Variants in LRCH1 observed in about 807,000 individuals in gnomAD.
The protein encoded by LRCH1 is leucine rich repeats and calponin homology domain containing 1, also known as leucine-rich repeat and calponin homology domain-containing protein 1.
LRCH1 carries 23 observed loss-of-function variants against 94.9 expected under a neutral mutation model. The observed-to-expected ratio is 0.24, with a 90% CI of 0.17 to 0.34. The LOEUF (loss-of-function observed/expected upper bound fraction) is 0.34. Among genes scored for constraint, LRCH1 ranks in the 10% least tolerant of loss-of-function variants. LRCH1 has a pLI of 1.00. For missense variants in LRCH1, 790 were observed against 945.9 expected (o/e 0.84, Z 2.16); for synonymous variants, 364 against 354.9 (o/e 1.03, Z -0.29).
At chr13:46,622,430 G>C (rs1384176791) in intron 1 of LRCH1, among the ~76,000 whole-genome samples, 1 of 152,148 alleles carries the variant, frequency 6.6e-6, no homozygotes, top group Non-Finnish European at 1.5e-5. Flanking sequence ...ATCTGCAAGT[G>C]TATTGCCTGT....
intron 1 of LRCH1, among the ~76,000 whole-genome samples, chr13:46,601,997 G>A (rs1240704500): frequency 1.3e-5 from 2 of 152,180 alleles, no homozygotes; most frequent in Non-Finnish European, 2.9e-5. Flanking sequence ...TATGTCTACT[G>A]ACTTGCAACG....
intron 1 of LRCH1, among the ~76,000 whole-genome samples, chr13:46,646,963 A>T (rs1458779745): frequency 6.6e-6 from 1 of 152,086 alleles, no homozygotes; most frequent in Non-Finnish European, 1.5e-5. Flanking sequence ...AAATACAAAA[A>T]TTAGCTGGAC....
intron 10 of LRCH1, among the ~76,000 whole-genome samples, chr13:46,700,674 A>G (rs1871416506): frequency 6.6e-6 from 1 of 152,116 alleles, no homozygotes; most frequent in Non-Finnish European, 1.5e-5. Context: ...TAGAGTTTGG[A>G]CTGAGAACCA....
chr13:46,585,569 A>AC (rs2050425698), intron 1 of LRCH1, among the ~76,000 whole-genome samples: 1 of 150,228 alleles, frequency 6.7e-6, no homozygotes, highest in Non-Finnish European at 1.5e-5. Context: ...AAAAAAAAAA[A>AC]AACAAAAAAA....
At chr13:46,635,866 A>G (rs1245989048) in intron 1 of LRCH1, among the ~76,000 whole-genome samples, 1 of 151,990 alleles carries the variant, frequency 6.6e-6, no homozygotes, top group East Asian at 1.9e-4. Flanking sequence ...TCCCATCAGC[A>G]TACAAACATG....
At chr13:46,711,463 T>C (rs1360795039) in intron 13 of LRCH1, among the ~76,000 whole-genome samples, 3 of 152,198 alleles carry the variant, frequency 2.0e-5, no homozygotes, top group Admixed American at 1.3e-4. Flanking sequence ...ATAATTAAAA[T>C]GAGGATGGGA....
At position 46,744,534 on chromosome 13, in the gene LRCH1, G is replaced by C; in HGVS notation, c.*2686G>C. On this transcript the variant is annotated 3_prime_UTR_variant, in exon 20 of 20. Coordinates refer to ENST00000389797, the MANE Select transcript of LRCH1 (RefSeq NM_001164211.2). ...CTTATGAAATGGGGCTGGTGGAAAG[G>C]GGCCCCGCAGAACTACAATGTATGA... is the stretch of plus-strand genomic sequence containing the variant. 1 of 985,356 alleles carries C rather than the reference G, an allele frequency of 1.0e-6. No individual in the cohort carries two copies. Among genetic ancestry groups the C allele is most frequent in the African/African-American group, 1.7e-5 (1 of 57,326 alleles). The allele number at this position is 985,356 out of a possible 1,614,324, so 61.0% of individuals were successfully genotyped here.
At chr13:46,597,127 T>C (rs2050572924) in intron 1 of LRCH1, among the ~76,000 whole-genome samples, 1 of 152,180 alleles carries the variant, frequency 6.6e-6, no homozygotes, top group Admixed American at 6.5e-5. Context: ...TTTGTGGTCA[T>C]TGGTGGATAT....
Position 46,743,056 on chromosome 13 carries a change from T to G in LRCH1, c.*1208T>G, listed in dbSNP as rs1873747766. The G allele has an allele frequency of 1.0e-6, 1 of 985,314 alleles. No homozygotes were observed. The highest frequency in any genetic ancestry group is 1.7e-5 in the African/African-American group (1 of 57,246). The allele number at this position is 985,314 out of a possible 1,614,324, so 61.0% of individuals were successfully genotyped here. A position where few individuals can be genotyped will look rare whatever the true frequency, so the allele number is the denominator to read the frequency against. ...GATTCAGGGGTGTCTTTGTATAATA[T>G]GAGAGGGCCTTGTTCCAAGGTCAAG... On this transcript the variant is annotated 3_prime_UTR_variant, in exon 20 of 20. Coordinates refer to ENST00000389797, the MANE Select transcript of LRCH1 (RefSeq NM_001164211.2).
intron 1 of LRCH1, among the ~76,000 whole-genome samples, chr13:46,615,760 T>A (rs1394713344): frequency 6.6e-6 from 1 of 152,208 alleles, no homozygotes; most frequent in Non-Finnish European, 1.5e-5. Flanking sequence ...CTCCCCATAT[T>A]TCTGACATGT....
chr13:46,593,283 C>CTTTTTTTTT (rs34821427), intron 1 of LRCH1, among the ~76,000 whole-genome samples: 2 of 92,198 alleles, frequency 2.2e-5, no homozygotes, highest in Non-Finnish European at 4.2e-5. Flanking sequence ...TCTTTCTTTC[C>CTTTTTTTTT]TTTTTTTTTT....
Position 46,574,278 on chromosome 13 carries a change from A to C in LRCH1, c.307+20575A>C, listed in dbSNP as rs181308765. Among the ~76,000 whole-genome samples, 23 of 152,282 alleles carry C rather than the reference A, an allele frequency of 1.5e-4. No homozygotes were observed. The East Asian group carries it at 3.7e-3, about 24-fold the overall frequency. On this transcript the variant is annotated intron_variant, in intron 1 of 19. Coordinates refer to ENST00000389797, the MANE Select transcript of LRCH1 (RefSeq NM_001164211.2). ...CCATTTATCCTGATGTGATTATTGCATGCCTGTATGAAAGTATCTCATGTA... is the reference window on the plus strand; with the variant it reads ...CCATTTATCCTGATGTGATTATTGCCTGCCTGTATGAAAGTATCTCATGTA...
chr13:46,699,469 T>C, intron 10 of LRCH1, 66 bp downstream of exon 10: 1 of 1,404,410 alleles, frequency 7.1e-7, no homozygotes, highest in Non-Finnish European at 1.0e-6. Flanking sequence ...AGTCTGGCAG[T>C]TCTGTTGTGA....
Position 46,627,306 on chromosome 13 carries a change from G to A in LRCH1, c.308-22895G>A, listed in dbSNP as rs560011940. 9.2e-5 allele frequency among the ~76,000 whole-genome samples: 14 copies of A among 152,194 alleles called. No individual in the cohort carries two copies. The South Asian group carries it at 1.5e-3, about 16-fold the overall frequency. On this transcript the variant is annotated intron_variant, in intron 1 of 19. Transcript: ENST00000389797. ...GCATCTGTGTGATTCTATATATGCC[G>A]GTATTTGTAAATGTAAAAGTGATAC...
intron 1 of LRCH1, among the ~76,000 whole-genome samples, chr13:46,636,969 C>G (rs903407813): frequency 6.6e-6 from 1 of 152,122 alleles, no homozygotes; most frequent in Non-Finnish European, 1.5e-5. Context: ...AACATTTGTC[C>G]CGAGGCCCAG....
intron 17 of LRCH1, among the ~76,000 whole-genome samples, chr13:46,725,472 G>A (rs1015562728): frequency 6.6e-6 from 1 of 152,190 alleles, no homozygotes; most frequent in African/African-American, 2.4e-5. Context: ...GGTAATGGAT[G>A]TAGGAGAGAA....
intron 15 of LRCH1, among the ~76,000 whole-genome samples, chr13:46,713,859 T>C (rs955930378): frequency 6.6e-6 from 1 of 152,206 alleles, no homozygotes; most frequent in African/African-American, 2.4e-5. Context: ...TTTTACACGC[T>C]GAGGACCTCA....
At chr13:46,593,960 TA>T (rs2050530224) in intron 1 of LRCH1, among the ~76,000 whole-genome samples, 1 of 152,234 alleles carries the variant, frequency 6.6e-6, no homozygotes, top group Admixed American at 6.5e-5. Flanking sequence ...TTTAAGTTGA[TA>T]GAGTCTTAGG....
intron 1 of LRCH1, among the ~76,000 whole-genome samples, chr13:46,606,724 A>G (rs1427268178): frequency 5.3e-5 from 8 of 152,154 alleles, no homozygotes; most frequent in Admixed American, 3.9e-4. Flanking sequence ...GGCGTGGGCC[A>G]CTACGCTCGG....
Sources: gnomAD v4.1 joint callset for allele counts (sites outside exome capture counted in the v4.1 genomes callset) on GRCh38, gnomAD v4.1.1 for gene constraint, MANE v1.5 for transcripts, NCBI Gene and HGNC (gene_info 2026-07-23, HGNC 2026-07-21) for gene names.